Variants in CDK14 observed in about 807,000 individuals in gnomAD.
The protein encoded by CDK14 is cyclin-dependent kinase 14.
Under a neutral mutation model 60.7 loss-of-function variants are expected in CDK14, and 34 were observed. The ratio of observed to expected loss-of-function variants is 0.56; its 90% CI spans 0.43 to 0.75. The LOEUF (loss-of-function observed/expected upper bound fraction) is 0.75, where lower values mean the gene tolerates loss of function less well. Ranked by LOEUF, CDK14 falls within the 30% of genes least tolerant of loss-of-function variation. The pLI is 0.00. For missense variants in CDK14, 482 were observed against 564.1 expected, an observed-to-expected ratio of 0.85 and a Z score of 1.47; for synonymous variants, 197 against 203.7, an observed-to-expected ratio of 0.97 and a Z score of 0.28.
intron 10 of CDK14, among the ~76,000 whole-genome samples, chr7:91,033,762 T>C (rs1029756858): frequency 2.0e-5 from 3 of 152,230 alleles, no homozygotes; most frequent in African/African-American, 7.2e-5. Context: ...ACCCTTGGGC[T>C]GCTGCACGTG....
chr7:90,859,275 A>T (rs1055703187), intron 5 of CDK14, among the ~76,000 whole-genome samples: 2 of 152,216 alleles, frequency 1.3e-5, no homozygotes, highest in East Asian at 3.8e-4. Context: ...TGGATTAAGG[A>T]TTTAATATAT....
intron 7 of CDK14, among the ~76,000 whole-genome samples, chr7:90,912,483 G>A (rs1407145184): frequency 6.6e-6 from 1 of 152,182 alleles, no homozygotes; most frequent in African/African-American, 2.4e-5. Context: ...CTGTGTGATG[G>A]TTGGATGACT....
intron 5 of CDK14, among the ~76,000 whole-genome samples, chr7:90,820,148 A>G (rs899904705): frequency 3.3e-5 from 5 of 152,246 alleles, no homozygotes; most frequent in South Asian, 2.1e-4. Flanking sequence ...ATTTTTTAGT[A>G]TGAGTATGAC....
At chr7:90,842,832 C>T (rs1385100947) in intron 5 of CDK14, among the ~76,000 whole-genome samples, 1 of 152,018 alleles carries the variant, frequency 6.6e-6, no homozygotes, top group African/African-American at 2.4e-5. Context: ...TTTATTAATC[C>T]TTCTGTTAGT....
chr7:91,114,842 T>C (rs1703110381), intron 13 of CDK14, among the ~76,000 whole-genome samples: 1 of 152,182 alleles, frequency 6.6e-6, no homozygotes, highest in Non-Finnish European at 1.5e-5. Flanking sequence ...GCTGTACTTG[T>C]AAACATGTTT....
At chr7:91,132,287 A>G (rs1201094765) in intron 14 of CDK14, among the ~76,000 whole-genome samples, 1 of 152,186 alleles carries the variant, frequency 6.6e-6, no homozygotes, top group Admixed American at 6.6e-5. Context: ...ACAGGAGGAG[A>G]AGGATGTTTT....
intron 11 of CDK14, among the ~76,000 whole-genome samples, chr7:91,065,973 A>G (rs955874319): frequency 6.6e-6 from 1 of 152,190 alleles, no homozygotes; most frequent in Non-Finnish European, 1.5e-5. Flanking sequence ...TTTTGCCTTC[A>G]TGGAAGCAAC....
intron 2 of CDK14, among the ~76,000 whole-genome samples, chr7:90,691,326 G>A (rs746576244): frequency 2.6e-5 from 4 of 152,016 alleles, no homozygotes; most frequent in Non-Finnish European, 5.9e-5. Context: ...AAAGAGAAGG[G>A]GGGTATAGGA....
chr7:90,700,584 T>C (rs1801762501), intron 2 of CDK14, among the ~76,000 whole-genome samples: 1 of 152,180 alleles, frequency 6.6e-6, no homozygotes, highest in Admixed American at 6.5e-5. Context: ...AAAAGTTCTT[T>C]GTTGAATTAT....
intron 2 of CDK14, among the ~76,000 whole-genome samples, chr7:90,605,609 A>T (rs567351967): frequency 6.6e-6 from 1 of 152,320 alleles, no homozygotes; most frequent in African/African-American, 2.4e-5. Context: ...CTTTGTAAAG[A>T]AAGTTTCCCC....
chr7:90,639,384 A>G (rs529139355), intron 2 of CDK14, among the ~76,000 whole-genome samples: 3 of 152,132 alleles, frequency 2.0e-5, no homozygotes, highest in African/African-American at 4.8e-5. Flanking sequence ...GGAGTTTGCT[A>G]GAGGTCCACT....
At chr7:91,118,374 A>G (rs893096733) in intron 14 of CDK14, among the ~76,000 whole-genome samples, 166 bp downstream of exon 14, 2 of 152,194 alleles carry the variant, frequency 1.3e-5, no homozygotes, top group Non-Finnish European at 2.9e-5. Flanking sequence ...AGTCATTTCC[A>G]TATTTTCAGG....
At chr7:90,770,203 G>A (rs1435399421) in intron 4 of CDK14, among the ~76,000 whole-genome samples, 1 of 152,212 alleles carries the variant, frequency 6.6e-6, no homozygotes, top group Non-Finnish European at 1.5e-5. Context: ...CCTGAAAGTA[G>A]CTTAGATGTT....
intron 8 of CDK14, among the ~76,000 whole-genome samples, 197 bp from the exon 9 acceptor site, chr7:90,955,500 G>A (rs571813919): frequency 2.0e-5 from 3 of 152,140 alleles, no homozygotes; most frequent in Non-Finnish European, 4.4e-5. Context: ...AAATAGAAAT[G>A]TTTTAATGGT....
chr7:91,058,278 G>A (rs1068289), intron 11 of CDK14, among the ~76,000 whole-genome samples: 67,234 of 151,592 alleles, frequency 0.44, 16,457 homozygotes, highest in East Asian at 0.88. Context: ...CTTTGCTGAA[G>A]TTGCTTATCA....
intron 1 of CDK14, among the ~76,000 whole-genome samples, chr7:90,597,620 T>C (rs1236252032): frequency 6.6e-6 from 1 of 152,180 alleles, no homozygotes; most frequent in Admixed American, 6.5e-5. Context: ...CCCCTGCGAG[T>C]CCCTAGGAAG....
At chr7:90,941,335 C>T (rs996498617) in intron 8 of CDK14, among the ~76,000 whole-genome samples, 6 of 152,188 alleles carry the variant, frequency 3.9e-5, no homozygotes, top group African/African-American at 4.8e-5. Context: ...TGTCTCAAAA[C>T]GTGAGCATCT....
intron 8 of CDK14, among the ~76,000 whole-genome samples, chr7:90,918,863 AAAATG>A (rs1229942850): frequency 6.6e-6 from 1 of 152,238 alleles, no homozygotes; most frequent in African/African-American, 2.4e-5. Flanking sequence ...TTTTATTCGA[AAAATG>A]AAATAAAACA....
intron 5 of CDK14, among the ~76,000 whole-genome samples, chr7:90,862,549 C>T (rs773708397): frequency 1.3e-5 from 2 of 152,072 alleles, no homozygotes; most frequent in Non-Finnish European, 2.9e-5. Context: ...GACAGATCCA[C>T]CATTACAGTT....
Sources: gnomAD v4.1 joint callset for allele counts (sites outside exome capture counted in the v4.1 genomes callset) on GRCh38, gnomAD v4.1.1 for gene constraint, MANE v1.5 for transcripts, NCBI Gene and HGNC (gene_info 2026-07-23, HGNC 2026-07-21) for gene names.